The following DCAKD variants were observed in gnomAD, a reference collection of about 807,000 sequenced individuals.
DCAKD encodes the protein dephospho-CoA kinase domain-containing protein.
In DCAKD, 15 loss-of-function variants were observed where a neutral mutation model predicts 18.7. The ratio of observed to expected loss-of-function variants is 0.80; its 90% CI spans 0.54 to 1.24. DCAKD has a LOEUF of 1.24. Ranked by LOEUF, DCAKD falls within the 50% of genes most tolerant of loss-of-function variation. The pLI is 0.00. For synonymous variants in DCAKD, 130 were observed against 133.0 expected (o/e 0.98, Z 0.16); for missense variants, 301 against 322.0 (o/e 0.93, Z 0.50).
intron 4 of DCAKD, among the ~76,000 whole-genome samples, chr17:45,028,139 C>T (rs1486989688): frequency 4.7e-5 from 7 of 148,878 alleles, no homozygotes; most frequent in East Asian, 2.0e-4. Flanking sequence ...GATGGAGTCT[C>T]GCTCTGTCGC....
intron 1 of DCAKD, among the ~76,000 whole-genome samples, chr17:45,059,263 A>G (rs2053822839): frequency 6.6e-6 from 1 of 152,110 alleles, no homozygotes; most frequent in Admixed American, 6.5e-5. Context: ...AAAAAAAGAA[A>G]GAAAGAGTTG....
At chr17:45,047,476 G>A (rs920809787) in intron 1 of DCAKD, among the ~76,000 whole-genome samples, 3 of 150,010 alleles carry the variant, frequency 2.0e-5, no homozygotes, top group African/African-American at 7.4e-5. Context: ...GTAGAGATGA[G>A]GTTTTGCTGG....
At chr17:45,041,193 CCCG>C in intron 1 of DCAKD, among the ~76,000 whole-genome samples, 1 of 152,296 alleles carries the variant, frequency 6.6e-6, no homozygotes, top group South Asian at 2.1e-4. Flanking sequence ...ACTGCCTTCT[CCCG>C]CCTCCTCCTG....
intron 1 of DCAKD, among the ~76,000 whole-genome samples, chr17:45,044,212 A>G (rs992334293): frequency 1.3e-5 from 2 of 149,968 alleles, no homozygotes; most frequent in African/African-American, 4.9e-5. Context: ...ATCTCCAACC[A>G]CTCCCCCCTA....
chr17:45,052,766 G>A (rs2053733709), upstream of DCAKD, among the ~76,000 whole-genome samples: 1 of 152,060 alleles, frequency 6.6e-6, no homozygotes, highest in African/African-American at 2.4e-5. Flanking sequence ...GGGAGGCTGA[G>A]GCAGGAGGAT....
chr17:45,044,348 G>A (rs1362544600), intron 1 of DCAKD, among the ~76,000 whole-genome samples: 1 of 152,104 alleles, frequency 6.6e-6, no homozygotes, highest in Admixed American at 6.6e-5. Flanking sequence ...GTCAGGTCCT[G>A]TCCCGCTGAA....
At chr17:45,046,615 CAAAAAAAAAAAA>C (rs746591313) in intron 1 of DCAKD, among the ~76,000 whole-genome samples, 1 of 50,168 alleles carries the variant, frequency 2.0e-5, no homozygotes, top group Non-Finnish European at 3.7e-5. Flanking sequence ...GATTCCATCT[CAAAAAAAAAAAA>C]AAAAAAAAAA....
chr17:45,046,615 C>CAAAAAAA lies in DCAKD; in HGVS notation c.-115+4739_-115+4745dup, dbSNP rs746591313. 1.2e-4 allele frequency among the ~76,000 whole-genome samples: 6 copies of CAAAAAAA among 50,142 alleles called. 1 individual carries two copies. Among genetic ancestry groups the CAAAAAAA allele is most frequent in the African/African-American group, 3.5e-4 (4 of 11,556 alleles). The allele number at this position is 50,142 out of a possible 152,430, so 32.9% of individuals were successfully genotyped here. On this transcript the variant is annotated intron_variant, in intron 1 of 4. Coordinates refer to ENST00000651974, the MANE Select transcript of DCAKD (RefSeq NM_001288655.2). ...TGGGCGACAGAGCGAGATTCCATCT[C>CAAAAAAA]AAAAAAAAAAAAAAAAAAAAAAAGC...
intron 4 of DCAKD, among the ~76,000 whole-genome samples, chr17:45,025,243 C>T (rs578157681): frequency 6.6e-6 from 1 of 152,118 alleles, no homozygotes; most frequent in East Asian, 1.9e-4. Context: ...TCACAGAGAC[C>T]CCCTCTCCTT....
chr17:45,036,763 G>A (rs1466360269), intron 1 of DCAKD, among the ~76,000 whole-genome samples: 2 of 152,122 alleles, frequency 1.3e-5, no homozygotes, highest in African/African-American at 2.4e-5. Context: ...TGGAGTAAAT[G>A]AGGTTACCAT....
chr17:45,024,819 G>A, intron 4 of DCAKD, 95 bp from the exon 5 acceptor site: 1 of 1,418,882 alleles, frequency 7.0e-7, no homozygotes, highest in Non-Finnish European at 9.4e-7. Flanking sequence ...CTGAAACAGA[G>A]AGCATGGGGA....
chr17:45,058,198 C>T (rs1338849904), intron 1 of DCAKD, among the ~76,000 whole-genome samples: 1 of 151,744 alleles, frequency 6.6e-6, no homozygotes, highest in East Asian at 1.9e-4. Flanking sequence ...ACCTGTAGTC[C>T]CAGCTACCGG....
At position 45,024,089 on chromosome 17, in the gene DCAKD, C is replaced by T; in HGVS notation, c.*344G>A. ...CCCAGCTCTGAGGAGGGCCACAGAG[C>T]CAGTATTCCCTACCCCCACCCACAG... On this transcript the variant is annotated 3_prime_UTR_variant, in exon 5 of 5. Coordinates refer to ENST00000651974, the MANE Select transcript of DCAKD (RefSeq NM_001288655.2). 1 of 238,584 alleles carries T rather than the reference C, an allele frequency of 4.2e-6. No individual in the cohort carries two copies. Among genetic ancestry groups the T allele is most frequent in the Non-Finnish European group, 8.3e-6 (1 of 120,478 alleles). 14.8% of individuals were successfully genotyped at this position (238,584 alleles called of 1,614,324 possible).
intron 1 of DCAKD, among the ~76,000 whole-genome samples, chr17:45,038,202 G>C (rs150193029): frequency 6.6e-6 from 1 of 151,582 alleles, no homozygotes; most frequent in Non-Finnish European, 1.5e-5. Context: ...TCAGCCTCCC[G>C]AGTAGCTAGG....
Position 45,027,819 on chromosome 17 carries a change from C to T in DCAKD, c.404+2273G>A, listed in dbSNP as rs192498792. On this transcript the variant is annotated intron_variant, in intron 4 of 4. Coordinates refer to ENST00000651974, the MANE Select transcript of DCAKD (RefSeq NM_001288655.2). ...TGACCAACATGGTGAAACCCTGTCTCTACTAAAAATACAAAACTTAGCCGG... is the reference window on the plus strand; with the variant it reads ...TGACCAACATGGTGAAACCCTGTCTTTACTAAAAATACAAAACTTAGCCGG... 1.6e-3 allele frequency among the ~76,000 whole-genome samples: 239 copies of T among 152,126 alleles called. 1 individual carries two copies. Among genetic ancestry groups the T allele is most frequent in the African/African-American group, 5.3e-3 (219 of 41,526 alleles).
chr17:45,053,169 TAAAAAAAAAAAA>T (rs760029893), upstream of DCAKD, among the ~76,000 whole-genome samples: 2 of 75,734 alleles, frequency 2.6e-5, no homozygotes, highest in African/African-American at 1.3e-4. Context: ...TGTCTCCAGT[TAAAAAAAAAAAA>T]AAAAAAAAAA....
chr17:45,034,751 C>T (rs1465661759), intron 2 of DCAKD, 23 bp downstream of exon 2: 1 of 1,612,456 alleles, frequency 6.2e-7, no homozygotes, highest in South Asian at 1.1e-5. Context: ...TGCACGGCCC[C>T]CCAACCTGCC....
At chr17:45,034,645 C>G (rs917654183) in intron 2 of DCAKD, 129 bp downstream of exon 2, 4 of 1,074,426 alleles carry the variant, frequency 3.7e-6, no homozygotes, top group African/African-American at 3.2e-5. Flanking sequence ...GGGGCAGAGA[C>G]AGAAGTCAGA....
At chr17:45,026,568 G>A in intron 4 of DCAKD, 1 of 967,846 alleles carries the variant, frequency 1.0e-6, no homozygotes, top group Non-Finnish European at 1.2e-6. Flanking sequence ...TTGCTGTGTT[G>A]CCTACACTGG....
Sources: gnomAD v4.1 joint callset for allele counts (sites outside exome capture counted in the v4.1 genomes callset) on GRCh38, gnomAD v4.1.1 for gene constraint, MANE v1.5 for transcripts, NCBI Gene and HGNC (gene_info 2026-07-23, HGNC 2026-07-21) for gene names.